Variants in HAPLN3 observed in about 807,000 individuals in gnomAD.
HAPLN3 encodes the protein hyaluronan and proteoglycan link protein 3.
In HAPLN3, 28 loss-of-function variants were observed where a neutral mutation model predicts 28.1. That is an observed-to-expected ratio of 1.00 (90% CI 0.74 to 1.37). The LOEUF (loss-of-function observed/expected upper bound fraction) is 1.37, where lower values mean the gene tolerates loss of function less well. Ranked by LOEUF, HAPLN3 falls within the 40% of genes most tolerant of loss-of-function variation. The pLI is 0.00. For missense variants in HAPLN3, 513 were observed against 504.6 expected (o/e 1.02, Z -0.16); for synonymous variants, 211 against 213.1 (o/e 0.99, Z 0.09).
intron 2 of HAPLN3, among the ~76,000 whole-genome samples, chr15:88,882,075 C>T (rs1204186252): frequency 6.6e-6 from 1 of 152,182 alleles, no homozygotes; most frequent in Non-Finnish European, 1.5e-5. Context: ...CCACCATGAG[C>T]ACATGGCCAG....
intron 2 of HAPLN3, among the ~76,000 whole-genome samples, chr15:88,883,430 G>C (rs1274860319): frequency 6.6e-6 from 1 of 152,210 alleles, no homozygotes; most frequent in Non-Finnish European, 1.5e-5. Flanking sequence ...TTGTAGAATG[G>C]GTTAATTACA....
chr15:88,881,455 T>A lies in HAPLN3; in HGVS notation c.395A>T (p.Glu132Val). 1 of 1,614,004 alleles carries A rather than the reference T, an allele frequency of 6.2e-7. No homozygotes were observed. ...RQDKEHDVSLEIQDLRLEDYG... is the reference protein window; with the variant it reads ...RQDKEHDVSLVIQDLRLEDYG... ...GTCCTCCAGCCGCAGATCCTGGATC[T>A]CCAGCGAGACGTCATGCTCTTTGTC... The change falls in exon 3 of 5, where the codon GAG becomes GTG. Residue 132 changes from glutamate to valine, a missense_variant. Physicochemically the swap from Glu to Val is moderately radical, Grantham distance 121. Coordinates refer to ENST00000359595, the MANE Select transcript of HAPLN3 (RefSeq NM_178232.4). The surrounding 1 kb of genome is among the most constrained non-coding windows in gnomAD (Gnocchi z 6.0).
In HAPLN3 at chr15:88,887,295, C is replaced by T. The variant is rs749553171; in HGVS notation, c.4G>A (p.Gly2Ser). 4.3e-6 allele frequency: 7 copies of T among 1,614,022 alleles called. No individual in the cohort carries two copies. In the South Asian group the frequency reaches 7.7e-5, roughly 18 times the overall value. M[G>S]LLLLVPLLLL... ...AGCAACGGGACCAGGAGCAACAGGCCCATCTCCTCATGCCAGGGTGACCCG... is the reference window on the plus strand; with the variant it reads ...AGCAACGGGACCAGGAGCAACAGGCTCATCTCCTCATGCCAGGGTGACCCG... The change falls in exon 2 of 5, where the codon GGC (glycine) becomes AGC (serine). Residue 2 changes from glycine (G) to serine (S), a missense_variant. Gly to Ser is a moderately conservative substitution (Grantham distance 56). Coordinates refer to ENST00000359595, the MANE Select transcript of HAPLN3 (RefSeq NM_178232.4).
chr15:88,884,108 CTA>C (rs1897781083), intron 2 of HAPLN3, among the ~76,000 whole-genome samples: 1 of 151,740 alleles, frequency 6.6e-6, no homozygotes, highest in South Asian at 2.1e-4. Flanking sequence ...AAAGAGATAC[CTA>C]AAAAGTTAAC....
At chr15:88,883,357 T>C (rs61089055) in intron 2 of HAPLN3, among the ~76,000 whole-genome samples, 7,720 of 152,326 alleles carry the variant, frequency 0.051, 718 homozygotes, top group African/African-American at 0.18. Flanking sequence ...AATTCGGGCT[T>C]GCCCTTGGTT....
At chr15:88,885,174 A>T (rs1333959080) in intron 2 of HAPLN3, among the ~76,000 whole-genome samples, 1 of 152,254 alleles carries the variant, frequency 6.6e-6, no homozygotes. Flanking sequence ...TTGCAGGCTC[A>T]TGTGTCGTCT....
intron 2 of HAPLN3, among the ~76,000 whole-genome samples, chr15:88,884,156 T>C (rs1459421874): frequency 6.6e-6 from 1 of 152,094 alleles, no homozygotes; most frequent in Non-Finnish European, 1.5e-5. Flanking sequence ...ATATATGACT[T>C]TGCTTACATA....
intron 2 of HAPLN3, among the ~76,000 whole-genome samples, chr15:88,884,453 A>G (rs1170393780): frequency 6.6e-6 from 1 of 152,034 alleles, no homozygotes; most frequent in African/African-American, 2.4e-5. Context: ...AGTCCCAGCT[A>G]CTCGGGAGGC....
At chr15:88,883,041 G>T (rs1452043694) in intron 2 of HAPLN3, among the ~76,000 whole-genome samples, 1 of 152,210 alleles carries the variant, frequency 6.6e-6, no homozygotes, top group Non-Finnish European at 1.5e-5. Context: ...TAATTAAAAA[G>T]GTGGAGGCAA....
chr15:88,889,322 C>T (rs563549629), intron 1 of HAPLN3, among the ~76,000 whole-genome samples: 5 of 151,938 alleles, frequency 3.3e-5, no homozygotes, highest in African/African-American at 4.8e-5. Flanking sequence ...GGGTGTCAGG[C>T]CCAGAAGCAT....
Position 88,880,184 on chromosome 15 carries a change from A to G in HAPLN3, c.494-915T>C. The G allele has an allele frequency of 4.0e-6, 4 of 994,782 alleles. No homozygotes were observed. The South Asian group carries it at 1.8e-4, about 45-fold the overall frequency. 61.6% of individuals were successfully genotyped at this position (994,782 alleles called of 1,614,324 possible). A position where few individuals can be genotyped will look rare whatever the true frequency, so the allele number is the denominator to read the frequency against. ...GGGGGACTATTTCATGCCTGGTTCC[A>G]CCCCAAATTCCTAGCCCTTGAAGCC... On this transcript the variant is annotated intron_variant, in intron 3 of 4. Coordinates refer to ENST00000359595, the MANE Select transcript of HAPLN3 (RefSeq NM_178232.4). This position sits in a 1 kb window ranked among gnomAD's most constrained non-coding sequence, Gnocchi z 6.0.
intron 1 of HAPLN3, chr15:88,893,013 T>A (rs8024779): frequency 2.0e-6 from 3 of 1,531,270 alleles, no homozygotes; most frequent in South Asian, 1.2e-5. Flanking sequence ...TGGAGTCCTG[T>A]CTGGGCACTC....
At position 88,895,097 on chromosome 15, in the gene HAPLN3, C is replaced by G. The variant is rs1221114334; in HGVS notation, c.-48+362G>C. On this transcript the variant is annotated intron_variant, in intron 1 of 4. Coordinates refer to ENST00000359595, the MANE Select transcript of HAPLN3 (RefSeq NM_178232.4). The surrounding 1 kb of genome is among the most constrained non-coding windows in gnomAD (Gnocchi z 5.5). ...GGGGCGCCGCGGACGGCACTGGAGG[C>G]AGCCGACCCTGGACAGACGACAGGG... Among the ~76,000 whole-genome samples, 4 of 152,238 alleles carry G rather than the reference C, an allele frequency of 2.6e-5. No individual in the cohort carries two copies.
intron 4 of HAPLN3, 60 bp downstream of exon 4, chr15:88,878,907 C>A: frequency 6.7e-7 from 1 of 1,498,770 alleles, no homozygotes; most frequent in South Asian, 1.3e-5. Context: ...AGAAGCTGCC[C>A]TCTCACAGGT....
At position 88,881,678 on chromosome 15, in the gene HAPLN3, G is replaced by C; in HGVS notation, c.172C>G (p.Leu58Val). 1 of 1,613,698 alleles carries C rather than the reference G, an allele frequency of 6.2e-7. No individual in the cohort carries two copies. Among genetic ancestry groups the C allele is most frequent in the South Asian group, 1.1e-5 (1 of 91,054 alleles). The change falls in exon 3 of 5, where the codon CTG (leucine) becomes GTG (valine). Residue 58 changes from leucine (L) to valine (V), a missense_variant. Transcript: ENST00000359595. The surrounding 1 kb of genome is among the most constrained non-coding windows in gnomAD (Gnocchi z 6.0). ...KLVVETPEETLFTYQGASVIL... is the reference protein window; with the variant it reads ...KLVVETPEETVFTYQGASVIL... ...ACACTGGCCCCTTGGTAGGTGAACA[G>C]GGTCTCCTCGGGTGTCTCCACCACC...
chr15:88,884,030 G>A (rs1189954814), intron 2 of HAPLN3, among the ~76,000 whole-genome samples: 1 of 147,724 alleles, frequency 6.8e-6, no homozygotes, highest in Non-Finnish European at 1.5e-5. Context: ...AGTGAGCCGA[G>A]ATCACACCAC....
At chr15:88,886,993 C>G (rs138470383) in intron 2 of HAPLN3, among the ~76,000 whole-genome samples, 182 bp downstream of exon 2, 2 of 152,068 alleles carry the variant, frequency 1.3e-5, no homozygotes, top group Non-Finnish European at 2.9e-5. Context: ...AAGGGGCTGG[C>G]GAACACAGGA....
At position 88,880,199 on chromosome 15, in the gene HAPLN3, C is replaced by T. The variant is rs187509534; in HGVS notation, c.494-930G>A. ...GCCTGGTTCCACCCCAAATTCCTAGCCCTTGAAGCCCCGGGAATGGGGTGA... is the reference window on the plus strand; with the variant it reads ...GCCTGGTTCCACCCCAAATTCCTAGTCCTTGAAGCCCCGGGAATGGGGTGA... On this transcript the variant is annotated intron_variant, in intron 3 of 4. Coordinates refer to ENST00000359595, the MANE Select transcript of HAPLN3 (RefSeq NM_178232.4). The surrounding 1 kb of genome is among the most constrained non-coding windows in gnomAD (Gnocchi z 6.0). 221 of 995,558 alleles carry T rather than the reference C, an allele frequency of 2.2e-4. No homozygotes were observed. The African/African-American group carries it at 3.7e-3, about 17-fold the overall frequency. 61.7% of individuals were successfully genotyped at this position (995,558 alleles called of 1,614,324 possible).
intron 2 of HAPLN3, among the ~76,000 whole-genome samples, chr15:88,885,444 T>C (rs1897824621): frequency 6.9e-6 from 1 of 145,362 alleles, no homozygotes; most frequent in Non-Finnish European, 1.5e-5. Context: ...CCCGGCTAAT[T>C]TTTTGTTTTT....
Sources: gnomAD v4.1 joint callset for allele counts (sites outside exome capture counted in the v4.1 genomes callset) on GRCh38, gnomAD v4.1.1 for gene constraint, Gnocchi (gnomAD v3.1) non-coding constraint, MANE v1.5 for transcripts, NCBI Gene and HGNC (gene_info 2026-07-23, HGNC 2026-07-21) for gene names.